Variants in PDXDC1 observed in about 807,000 individuals in gnomAD.
PDXDC1 encodes the protein pyridoxal dependent decarboxylase domain containing 1, also known as pyridoxal-dependent decarboxylase domain-containing protein 1.
In PDXDC1, 42 loss-of-function variants were observed where a neutral mutation model predicts 100.1. The observed-to-expected ratio is 0.42, with a 90% CI of 0.33 to 0.54. PDXDC1 has a LOEUF of 0.54. Ranked by LOEUF, PDXDC1 falls within the 20% of genes least tolerant of loss-of-function variation. The pLI, the probability that PDXDC1 is intolerant of heterozygous loss-of-function variation, is 0.10. For missense variants in PDXDC1, 636 were observed against 979.2 expected (o/e 0.65, Z 4.68); for synonymous variants, 260 against 371.7 (o/e 0.70, Z 3.46).
Position 15,088,671 on chromosome 16 carries a change from T to A in PDXDC1, c.1400-50208T>A, listed in dbSNP as rs535784545. Among the ~76,000 whole-genome samples, 62 of 152,158 alleles carry A rather than the reference T, an allele frequency of 4.1e-4. 1 individual carries two copies. Among genetic ancestry groups the A allele is most frequent in the African/African-American group, 1.5e-3 (62 of 41,504 alleles). ...CAGCTGTCTTTAAACAGTAACACAG[T>A]TGAGTCTTTTCTGGAAGTTCTGCTT... On this transcript the variant is annotated intron_variant, in intron 16 of 16. Transcript: ENST00000535621.
chr16:14,983,231 T>A (rs1306168941), intron 1 of PDXDC1, among the ~76,000 whole-genome samples: 18 of 152,290 alleles, frequency 1.2e-4, no homozygotes, highest in Admixed American at 8.5e-4. Context: ...AATATACTTT[T>A]AAAAATAAAT....
intron 16 of PDXDC1, chr16:15,137,466 C>T (rs961904097): frequency 2.5e-5 from 28 of 1,121,508 alleles, no homozygotes; most frequent in African/African-American, 1.5e-4. Flanking sequence ...AGCAGGCCTT[C>T]GTGGGCAGCT....
At chr16:15,125,522 G>C (rs1405469142) in intron 16 of PDXDC1, 5 of 1,533,106 alleles carry the variant, frequency 3.3e-6, no homozygotes, top group Non-Finnish European at 3.6e-6. Context: ...ACCTGCACCA[G>C]GGCTCGAGGT....
rs763117205 is a variant in PDXDC1, at chr16:15,125,697, G to C, written c.1400-13182G>C. 3 of 1,352,320 alleles carry C rather than the reference G, an allele frequency of 2.2e-6. No individual in the cohort carries two copies. The East Asian group carries it at 6.9e-5, about 31-fold the overall frequency. 83.8% of individuals were successfully genotyped at this position (1,352,320 alleles called of 1,614,324 possible). ...CCCCCAGTAGAGCCCTCACCTCAGC[G>C]TGGAGGCCTGAGAACGTGAGGAAGG... is the stretch of plus-strand genomic sequence containing the variant. On this transcript the variant is annotated intron_variant, in intron 16 of 16. Transcript: ENST00000535621.
intron 14 of PDXDC1, among the ~76,000 whole-genome samples, 161 bp from the exon 15 acceptor site, chr16:15,028,717 A>C (rs2042819993): frequency 6.6e-6 from 1 of 152,302 alleles, no homozygotes; most frequent in Non-Finnish European, 1.5e-5. Flanking sequence ...CACGAGGAAA[A>C]AGAAATGTAG....
chr16:15,131,196 G>A (rs554989307), intron 16 of PDXDC1: 4 of 1,589,000 alleles, frequency 2.5e-6, no homozygotes, highest in Non-Finnish European at 3.4e-6. Flanking sequence ...CAACGGAGTT[G>A]GCAGAGCTGC....
intron 1 of PDXDC1, among the ~76,000 whole-genome samples, chr16:14,986,737 A>G (rs1382815212): frequency 6.6e-6 from 1 of 152,266 alleles, no homozygotes; most frequent in African/African-American, 2.4e-5. Flanking sequence ...GCTTTGTTGC[A>G]CTTTTTTTGG....
chr16:14,984,454 AGTGT>A (rs1247042159), intron 1 of PDXDC1, among the ~76,000 whole-genome samples: 1 of 110,102 alleles, frequency 9.1e-6, no homozygotes, highest in African/African-American at 3.5e-5. Flanking sequence ...AGAGAGAGAG[AGTGT>A]GTGTGTGTGT....
At chr16:15,127,734 C>A in intron 16 of PDXDC1, 2 of 1,535,838 alleles carry the variant, frequency 1.3e-6, no homozygotes, top group Middle Eastern at 2.3e-4. Flanking sequence ...CGTTGGCGCC[C>A]AGGAAGAGGC....
chr16:15,019,741 G>A (rs1419404399), intron 12 of PDXDC1, among the ~76,000 whole-genome samples: 1 of 152,282 alleles, frequency 6.6e-6, no homozygotes, highest in Admixed American at 6.5e-5. Flanking sequence ...ACCTCCCAAA[G>A]GCCTCAACTC....
intron 1 of PDXDC1, chr16:14,996,254 A>G: frequency 6.5e-6 from 2 of 309,568 alleles, no homozygotes; most frequent in South Asian, 5.8e-5. Context: ...TCTTAAAAAC[A>G]ATTTTGAGGA....
intron 9 of PDXDC1, among the ~76,000 whole-genome samples, 161 bp from the exon 10 acceptor site, chr16:15,016,959 A>T (rs1471410945): frequency 6.6e-6 from 1 of 152,296 alleles, no homozygotes; most frequent in African/African-American, 2.4e-5. Flanking sequence ...ATTTTCCTTC[A>T]TATGTATAAA....
At chr16:15,071,135 T>C (rs2045208439) in intron 16 of PDXDC1, 1 of 1,609,082 alleles carries the variant, frequency 6.2e-7, no homozygotes, top group East Asian at 2.2e-5. Context: ...GAGGAATAAA[T>C]TTAGCTCTTG....
chr16:15,098,885 G>T (rs973199545), intron 16 of PDXDC1, among the ~76,000 whole-genome samples: 1 of 151,906 alleles, frequency 6.6e-6, no homozygotes, highest in Non-Finnish European at 1.5e-5. Flanking sequence ...AAAAAAAAGA[G>T]CAACTTTCTT....
chr16:15,099,815 A>G (rs3865133), intron 16 of PDXDC1, among the ~76,000 whole-genome samples: 1 of 152,114 alleles, frequency 6.6e-6, no homozygotes, highest in East Asian at 1.9e-4. Flanking sequence ...CTTTACTATC[A>G]TCATATACCC....
chr16:15,101,096 AC>A (rs1346794815), intron 16 of PDXDC1, among the ~76,000 whole-genome samples: 2 of 152,226 alleles, frequency 1.3e-5, no homozygotes, highest in Non-Finnish European at 2.9e-5. Context: ...AATGGGAATA[AC>A]TTTTTGAGCT....
intron 16 of PDXDC1, chr16:15,068,228 C>T: frequency 5.0e-6 from 8 of 1,593,098 alleles, no homozygotes; most frequent in South Asian, 1.1e-5. Flanking sequence ...GGGGATTTAG[C>T]TGGCTCATCA....
At chr16:15,094,372 C>G (rs908091531) in intron 16 of PDXDC1, 58 of 778,256 alleles carry the variant, frequency 7.5e-5, no homozygotes, top group Non-Finnish European at 1.1e-4. Context: ...CGTATGCTCT[C>G]GGCGGGCTAG....
At chr16:14,981,837 T>A (rs1968064287) in intron 1 of PDXDC1, among the ~76,000 whole-genome samples, 2 of 152,146 alleles carry the variant, frequency 1.3e-5, no homozygotes, top group Non-Finnish European at 2.9e-5. Flanking sequence ...TTTGTTTCTT[T>A]TTTTTTTTTG....
Sources: gnomAD v4.1 joint callset for allele counts (sites outside exome capture counted in the v4.1 genomes callset) on GRCh38, gnomAD v4.1.1 for gene constraint, MANE v1.5 for transcripts, NCBI Gene and HGNC (gene_info 2026-07-23, HGNC 2026-07-21) for gene names.